CHD9: variants seen among roughly 807,000 people sequenced by gnomAD.
CHD9 encodes the protein ATP-dependent chromatin remodeler CHD9.
In CHD9, 77 loss-of-function variants were observed where a neutral mutation model predicts 316.1. The observed-to-expected ratio is 0.24, with a 90% CI of 0.20 to 0.29. The LOEUF (loss-of-function observed/expected upper bound fraction) is 0.29, where lower values mean the gene tolerates loss of function less well. Ranked by LOEUF, CHD9 falls within the 10% of genes least tolerant of loss-of-function variation. The pLI is 1.00. For synonymous variants in CHD9, 1,129 were observed against 1,158.3 expected, an observed-to-expected ratio of 0.97 and a Z score of 0.51; for missense variants, 2,763 against 3,438.1, an observed-to-expected ratio of 0.80 and a Z score of 4.91.
chr16:53,303,645 G>T, intron 30 of CHD9, 75 bp from the exon 31 acceptor site: 1 of 1,019,404 alleles, frequency 9.8e-7, no homozygotes, highest in Non-Finnish European at 1.4e-6. Context: ...AATATATAAA[G>T]ATGTATTTAT....
intron 28 of CHD9, 119 bp from the exon 29 acceptor site, chr16:53,292,714 A>G: frequency 1.3e-6 from 1 of 746,388 alleles, no homozygotes; most frequent in East Asian, 2.7e-5. Flanking sequence ...TAGGATGAGA[A>G]ATATGTTTTT....
chr16:53,244,420 C>T (rs867198651), intron 13 of CHD9, among the ~76,000 whole-genome samples: 9 of 151,942 alleles, frequency 5.9e-5, no homozygotes, highest in South Asian at 2.1e-4. Context: ...TCTTGATCTC[C>T]GACCTCGTGA....
intron 1 of CHD9, among the ~76,000 whole-genome samples, chr16:53,124,544 T>C (rs749909454): frequency 2.7e-5 from 4 of 146,802 alleles, no homozygotes; most frequent in Non-Finnish European, 6.0e-5. Context: ...GTGGCAATGA[T>C]CTTGGCTCAT....
rs2053809051 is a variant in CHD9 at position 53,285,634 on chromosome 16, A to C, written c.5006A>C (p.Glu1669Ala). 1 of 1,607,598 alleles carries C rather than the reference A, an allele frequency of 6.2e-7. No homozygotes were observed. Among genetic ancestry groups the C allele is most frequent in the Admixed American group, 1.7e-5 (1 of 59,120 alleles). Residue 1669 changes from glutamate (E) to alanine (A), a missense_variant, in exon 25 of 39, where the codon GAA becomes GCA. Coordinates refer to ENST00000447540, the MANE Select transcript of CHD9 (RefSeq NM_001308319.2). The stretch of plus-strand genomic sequence containing the variant: ...TGGGTACCAGAACCAGACCACTCAG[A>C]AGTTCCTGCTGAGTGGTGGGATTTT... ...DVWVPEPDHS[E>A]VPAEWWDFDA...
chr16:53,120,879 G>A (rs1453874284), intron 1 of CHD9, among the ~76,000 whole-genome samples: 3 of 152,044 alleles, frequency 2.0e-5, no homozygotes, highest in Non-Finnish European at 2.9e-5. Flanking sequence ...GGTGGTGCAC[G>A]CCTGTAATCC....
chr16:53,115,944 A>C (rs2038260693), intron 1 of CHD9, among the ~76,000 whole-genome samples: 1 of 152,250 alleles, frequency 6.6e-6, no homozygotes, highest in Admixed American at 6.5e-5. Context: ...AGGGAAGAGA[A>C]GGTGAAAAGG....
intron 22 of CHD9, among the ~76,000 whole-genome samples, chr16:53,269,406 C>T (rs1202863598): frequency 3.9e-5 from 6 of 152,114 alleles, no homozygotes; most frequent in Non-Finnish European, 8.8e-5. Context: ...TAGACAAGAT[C>T]CCTGAGCTCA....
chr16:53,221,121 A>G (rs1252636032), intron 3 of CHD9, among the ~76,000 whole-genome samples: 2 of 152,224 alleles, frequency 1.3e-5, no homozygotes, highest in Admixed American at 6.5e-5. Flanking sequence ...TGCTTGGCAT[A>G]GAATAATTAG....
intron 3 of CHD9, among the ~76,000 whole-genome samples, chr16:53,218,609 A>C (rs1394091958): frequency 1.3e-5 from 2 of 152,218 alleles, no homozygotes; most frequent in African/African-American, 4.8e-5. Context: ...AAATTTTAAA[A>C]AAATTTAAAT....
chr16:53,242,805 T>C (rs1211678825), intron 12 of CHD9, 35 bp from the exon 13 acceptor site: 41 of 1,565,016 alleles, frequency 2.6e-5, no homozygotes, highest in Non-Finnish European at 3.3e-5. Flanking sequence ...GCAATTAAAA[T>C]ATTCCAGCAA....
chr16:53,061,891 A>G (rs1402217205), intron 1 of CHD9, among the ~76,000 whole-genome samples: 3 of 152,202 alleles, frequency 2.0e-5, no homozygotes, highest in Non-Finnish European at 4.4e-5. Context: ...AAGATGTGCA[A>G]CTCATACCAC....
intron 2 of CHD9, among the ~76,000 whole-genome samples, chr16:53,202,706 G>T (rs2152852781): frequency 6.6e-6 from 1 of 152,022 alleles, no homozygotes; most frequent in East Asian, 1.9e-4. Context: ...TTATGTGGAT[G>T]CTTAAAATAA....
chr16:53,227,039 C>A lies in CHD9; in HGVS notation c.2044-357C>A, dbSNP rs138644608. On this transcript the variant is annotated intron_variant, in intron 5 of 38. Transcript: ENST00000447540. ...GCATTATGACCCAACCACTCAGCCA[C>A]TAGCTGAGTACCTTGGGCAAGTACT... 1,389 of 218,550 alleles carry A rather than the reference C, an allele frequency of 6.4e-3. 16 individuals are homozygous for A. The highest frequency in any genetic ancestry group is 0.031 in the African/African-American group (1,303 of 41,992). 13.5% of individuals were successfully genotyped at this position (218,550 alleles called of 1,614,324 possible). A position where few individuals can be genotyped will look rare whatever the true frequency, so the allele number is the denominator to read the frequency against.
chr16:53,217,832 C>G (rs981134905), intron 3 of CHD9, among the ~76,000 whole-genome samples: 2 of 152,006 alleles, frequency 1.3e-5, no homozygotes, highest in African/African-American at 2.4e-5. Context: ...CCTCGAACTC[C>G]TAGGCTCAAG....
intron 1 of CHD9, among the ~76,000 whole-genome samples, chr16:53,146,415 G>GTGTATATATA (rs1224485632): frequency 0.065 from 4,173 of 64,334 alleles, 210 homozygotes; most frequent in Non-Finnish European, 0.076. Flanking sequence ...GTGTGTGTGT[G>GTGTATATATA]TATGTATATA....
intron 8 of CHD9, among the ~76,000 whole-genome samples, chr16:53,229,458 AAT>A (rs1388717066): frequency 1.3e-5 from 2 of 152,172 alleles, no homozygotes; most frequent in Admixed American, 6.5e-5. Flanking sequence ...CAGTACATGA[AAT>A]ATATTGCATA....
At chr16:53,191,421 A>G (rs764670077) in intron 2 of CHD9, among the ~76,000 whole-genome samples, 2 of 152,102 alleles carry the variant, frequency 1.3e-5, no homozygotes, top group Non-Finnish European at 2.9e-5. Flanking sequence ...TCAGCCCTCA[A>G]AATTTCTTCC....
chr16:53,122,246 ATC>A (rs2038772822), intron 1 of CHD9: 1 of 152,084 alleles, frequency 6.6e-6, no homozygotes, highest in Non-Finnish European at 1.5e-5. Flanking sequence ...GGGAATAATA[ATC>A]TCTTCTGTAG....
chr16:53,208,402 T>C (rs2046052234), intron 2 of CHD9: 17 of 1,270,184 alleles, frequency 1.3e-5, no homozygotes, highest in Non-Finnish European at 1.7e-5. Context: ...GCTAAAAGGC[T>C]AATGGGATTG....
Sources: allele counts gnomAD v4.1 joint callset (sites outside exome capture counted in the v4.1 genomes callset), GRCh38; gene constraint gnomAD v4.1.1; transcripts MANE v1.5; gene names NCBI Gene and HGNC (gene_info 2026-07-23, HGNC 2026-07-21).